The following PRRC2B variants were observed in gnomAD, a reference collection of about 807,000 sequenced individuals.
PRRC2B encodes the protein proline rich coiled-coil 2B.
A neutral mutation model predicts 242.3 loss-of-function variants in PRRC2B; 68 were observed. The ratio of observed to expected loss-of-function variants is 0.28; its 90% CI spans 0.23 to 0.34. The LOEUF is 0.34. Among genes scored for constraint, PRRC2B ranks in the 10% least tolerant of loss-of-function variants. The pLI is 1.00. For missense variants in PRRC2B, 2,835 were observed against 2,954.8 expected (o/e 0.96, Z 0.94); for synonymous variants, 1,228 against 1,173.6 (o/e 1.05, Z -0.95).
Position 131,487,868 on chromosome 9 carries a change from C to T in PRRC2B, c.5997C>T (p.Tyr1999=). 7 of 1,610,946 alleles carry T rather than the reference C, an allele frequency of 4.3e-6. No homozygotes were observed. Among genetic ancestry groups the T allele is most frequent in the Non-Finnish European group, 5.9e-6 (7 of 1,177,538 alleles). Residue 1999 remains tyrosine (Y), a synonymous_variant, in exon 28 of 32, where the codon TAC becomes TAT. Transcript: ENST00000683519. This position sits in a 1 kb window ranked among gnomAD's most constrained non-coding sequence, Gnocchi z 5.3. Reference sequence around the variant, plus strand: ...CTGGCTTTTGCAGATCTCAGGTGTACATGCACCCCAGCCTGTCACCGCCCA... The same window carrying T: ...CTGGCTTTTGCAGATCTCAGGTGTATATGCACCCCAGCCTGTCACCGCCCA... ...SSLQPFRSQV[Y]MHPSLSPPST...
At chr9:131,479,805 T>C (rs1452347224) in intron 19 of PRRC2B, among the ~76,000 whole-genome samples, 1 of 151,686 alleles carries the variant, frequency 6.6e-6, no homozygotes, top group Non-Finnish European at 1.5e-5. Flanking sequence ...GTGCACCCTT[T>C]TCTTAACATG....
At chr9:131,466,924 C>T (rs1255605431) in intron 12 of PRRC2B, among the ~76,000 whole-genome samples, 1 of 152,094 alleles carries the variant, frequency 6.6e-6, no homozygotes, top group Non-Finnish European at 1.5e-5. Context: ...GCCTCAGCCT[C>T]CCAAGTAGCT....
At chr9:131,438,547 CCTT>C (rs1374194902) in intron 4 of PRRC2B, among the ~76,000 whole-genome samples, 1 of 152,148 alleles carries the variant, frequency 6.6e-6, no homozygotes, top group Non-Finnish European at 1.5e-5. Flanking sequence ...GGCATGTTGG[CCTT>C]CTTTGTTCAC....
At position 131,432,724 on chromosome 9, in the gene PRRC2B, C is replaced by A. The variant is rs1414819528; in HGVS notation, c.223C>A (p.Pro75Thr). 1.9e-6 allele frequency: 3 copies of A among 1,613,902 alleles called. No individual in the cohort carries two copies. Among genetic ancestry groups the A allele is most frequent in the African/African-American group, 2.7e-5 (2 of 74,930 alleles). ...SLKSENKGND[P>T]NIVIVPKDGT... Reference sequence around the variant, plus strand: ...GAAGTCTGAAAACAAAGGAAACGACCCCAACATCGTGATAGTACCCAAGGA... The same window carrying A: ...GAAGTCTGAAAACAAAGGAAACGACACCAACATCGTGATAGTACCCAAGGA... Residue 75 changes from proline (P) to threonine (T), a missense_variant, in exon 3 of 32, where the codon CCC (proline) becomes ACC (threonine). Physicochemically the swap from Pro to Thr is conservative, Grantham distance 38. Transcript: ENST00000683519.
chr9:131,484,567 G>T (rs2131467226), intron 23 of PRRC2B, 119 bp from the exon 24 acceptor site: 2 of 763,818 alleles, frequency 2.6e-6, no homozygotes, highest in East Asian at 2.7e-5. Context: ...ATGGGTTTGG[G>T]CAAGTCATAG....
chr9:131,493,814 A>C (rs754764904), intron 30 of PRRC2B, among the ~76,000 whole-genome samples: 6 of 151,656 alleles, frequency 4.0e-5, no homozygotes, highest in Non-Finnish European at 8.8e-5. Context: ...GAGCGGGCCT[A>C]GGTTGAGAGT....
rs760602498 is a variant in PRRC2B at position 131,491,527 on chromosome 9, C to A, written c.6328C>A (p.Arg2110=). The A allele has an allele frequency of 2.5e-6, 4 of 1,612,070 alleles. No individual in the cohort carries two copies. The highest frequency in any genetic ancestry group is 1.3e-5 in the African/African-American group (1 of 74,902). Residue 2110 remains arginine, a synonymous_variant, in exon 29 of 32, where the codon CGA becomes AGA. Transcript: ENST00000683519. ...PGQSLSVGAP[R]RIPPPGSQPP... is the part of the protein sequence containing the mutation. ...GCAGAGCCTCTCCGTTGGGGCCCCC[C>A]GAAGGATTCCTCCGCCCGGGTCCCA...
chr9:131,494,404 G>T lies in PRRC2B; in HGVS notation c.6474-1G>T. 6.3e-7 allele frequency: 1 copy of T among 1,582,096 alleles called. No homozygotes were observed. Among genetic ancestry groups the T allele is most frequent in the Non-Finnish European group, 8.6e-7 (1 of 1,159,126 alleles). On this transcript the variant is annotated splice_acceptor_variant, in intron 30 of 31. Coordinates refer to ENST00000683519, the MANE Select transcript of PRRC2B (RefSeq NM_013318.4). LOFTEE classifies it high-confidence loss of function. This position sits in a 1 kb window ranked among gnomAD's most constrained non-coding sequence, Gnocchi z 4.3. ...TCAACCCCTGCCTTTGGTTTTTTCA[G>T]GCCTAGCTCTGCTAGCCCCAGTGGG...
chr9:131,445,757 G>A (rs945564299), intron 6 of PRRC2B, among the ~76,000 whole-genome samples: 3 of 152,162 alleles, frequency 2.0e-5, no homozygotes, highest in Non-Finnish European at 4.4e-5. Context: ...GAAAACAGGG[G>A]TCTGTTGTCT....
rs768867691 is a variant in PRRC2B at position 131,487,143 on chromosome 9, C to T, written c.5857-24C>T. On this transcript the variant is annotated intron_variant, in intron 26 of 31. Coordinates refer to ENST00000683519, the MANE Select transcript of PRRC2B (RefSeq NM_013318.4). The surrounding 1 kb of genome is among the most constrained non-coding windows in gnomAD (Gnocchi z 5.3). The stretch of plus-strand genomic sequence containing the variant: ...CTGGATGGGCCTTGCGGTTACCTCC[C>T]CGACCCCGTTTTCCCGTTCACAGGC... 2 of 1,611,458 alleles carry T rather than the reference C, an allele frequency of 1.2e-6. No individual in the cohort carries two copies. Among genetic ancestry groups the T allele is most frequent in the Non-Finnish European group, 1.7e-6 (2 of 1,179,102 alleles).
chr9:131,454,938 GGT>G, intron 9 of PRRC2B, 136 bp from the exon 10 acceptor site: 1 of 623,294 alleles, frequency 1.6e-6, no homozygotes, highest in Non-Finnish European at 2.9e-6. Context: ...TGGTCAGTCT[GGT>G]CTCAAACTCC....
chr9:131,459,925 C>G (rs1943193611), intron 11 of PRRC2B, among the ~76,000 whole-genome samples: 1 of 133,444 alleles, frequency 7.5e-6, no homozygotes, highest in Non-Finnish European at 1.5e-5. Flanking sequence ...TGCTTGAGAC[C>G]AGGAGTTCAA....
chr9:131,458,315 A>AG (rs890138265), intron 10 of PRRC2B, among the ~76,000 whole-genome samples: 1 of 152,062 alleles, frequency 6.6e-6, no homozygotes, highest in Admixed American at 6.5e-5. Flanking sequence ...CCTCCCTGTG[A>AG]GGGGTGCCCC....
At chr9:131,481,642 G>T in intron 19 of PRRC2B, 84 bp from the exon 20 acceptor site, 7 of 1,106,824 alleles carry the variant, frequency 6.3e-6, no homozygotes, top group Non-Finnish European at 9.4e-6. Context: ...TGCAAGCTGT[G>T]CCTGTGCTTG....
Position 131,499,476 on chromosome 9 carries a change from CTG to C in PRRC2B, c.*3605_*3606del, listed in dbSNP as rs1944412324. On this transcript the variant is annotated 3_prime_UTR_variant, in exon 32 of 32. Transcript: ENST00000683519. The stretch of plus-strand genomic sequence containing the variant: ...CAGGATGTGTGCACTCTGTCGTGTT[CTG>C]TGATGAATGGGAAACGTAGGCTTCC... 1 of 152,252 alleles carries C rather than the reference CTG, an allele frequency of 6.6e-6. No individual in the cohort carries two copies. 9.4% of individuals were successfully genotyped at this position (152,252 alleles called of 1,614,324 possible). A position where few individuals can be genotyped will look rare whatever the true frequency, so the allele number is the denominator to read the frequency against.
Position 131,482,708 on chromosome 9 carries a change from A to G in PRRC2B, c.5176-2A>G. On this transcript the variant is annotated splice_acceptor_variant, in intron 21 of 31. Transcript: ENST00000683519. LOFTEE classifies it high-confidence loss of function. The surrounding 1 kb of genome is among the most constrained non-coding windows in gnomAD (Gnocchi z 5.2). ...TCTCCACCTCTCTGCTTTTTTATCA[A>G]GGATTCAGAACAAGGCTCTGGACAG... 6.4e-7 allele frequency: 1 copy of G among 1,561,662 alleles called. No homozygotes were observed.
chr9:131,477,000 C>T (rs1225443645), intron 16 of PRRC2B, among the ~76,000 whole-genome samples: 1 of 152,192 alleles, frequency 6.6e-6, no homozygotes, highest in Non-Finnish European at 1.5e-5. Context: ...GAGACGTGGC[C>T]CCACGGTGGG....
At chr9:131,377,398 C>T (rs1836701087) in intron 1 of PRRC2B, among the ~76,000 whole-genome samples, 1 of 152,232 alleles carries the variant, frequency 6.6e-6, no homozygotes. Context: ...CAGGCGTGAG[C>T]CACTGCTCCT....
chr9:131,444,081 A>G, intron 5 of PRRC2B, 104 bp from the exon 6 acceptor site: 1 of 1,364,974 alleles, frequency 7.3e-7, no homozygotes, highest in Non-Finnish European at 1.0e-6. Context: ...ACTCCCTTCA[A>G]AAGCCCACTT....
Sources: allele counts gnomAD v4.1 joint callset (sites outside exome capture counted in the v4.1 genomes callset), GRCh38; gene constraint gnomAD v4.1.1; non-coding constraint Gnocchi (gnomAD v3.1); transcripts MANE v1.5; gene names NCBI Gene and HGNC (gene_info 2026-07-23, HGNC 2026-07-21).